SPECC1: variants seen among roughly 807,000 people sequenced by gnomAD.
SPECC1 encodes the protein sperm antigen with calponin homology and coiled-coil domains 1.
Under a neutral mutation model 104.1 loss-of-function variants are expected in SPECC1, and 62 were observed. That is an observed-to-expected ratio of 0.60 (90% CI 0.49 to 0.74). The LOEUF (loss-of-function observed/expected upper bound fraction) is 0.74. Ranked by LOEUF, SPECC1 falls within the 30% of genes least tolerant of loss-of-function variation. SPECC1 has a pLI of 0.00. For missense variants in SPECC1, 1,306 were observed against 1,310.5 expected (o/e 1.00, Z 0.05); for synonymous variants, 513 against 501.6 (o/e 1.02, Z -0.30).
chr17:20,310,249 A>G (rs2041894626), intron 14 of SPECC1, among the ~76,000 whole-genome samples: 1 of 152,176 alleles, frequency 6.6e-6, no homozygotes, highest in African/African-American at 2.4e-5. Flanking sequence ...CTGGATATAT[A>G]CCCAGTAATG....
chr17:20,114,863 T>C (rs1423728879), intron 3 of SPECC1, among the ~76,000 whole-genome samples: 1 of 152,230 alleles, frequency 6.6e-6, no homozygotes, highest in East Asian at 1.9e-4. Flanking sequence ...ATGAATTATT[T>C]TCTTTGCTTT....
At chr17:20,142,671 T>C in intron 3 of SPECC1, among the ~76,000 whole-genome samples, 1 of 152,140 alleles carries the variant, frequency 6.6e-6, no homozygotes, top group Non-Finnish European at 1.5e-5. Context: ...TATTCTTTTA[T>C]AGGTACCAAG....
At chr17:20,156,460 C>T (rs1226199222) in intron 3 of SPECC1, among the ~76,000 whole-genome samples, 2 of 152,142 alleles carry the variant, frequency 1.3e-5, no homozygotes, top group African/African-American at 2.4e-5. Flanking sequence ...CACCTGGGCG[C>T]CGGGGCCGCC....
chr17:20,271,780 G>T (rs1434201169), intron 12 of SPECC1, among the ~76,000 whole-genome samples: 18 of 134,086 alleles, frequency 1.3e-4, no homozygotes, highest in Non-Finnish European at 1.4e-4. Flanking sequence ...TTTTCCCTTT[G>T]TTTTTTTTTC....
At chr17:20,074,844 A>C (rs1392101998) in intron 1 of SPECC1, among the ~76,000 whole-genome samples, 1 of 152,138 alleles carries the variant, frequency 6.6e-6, no homozygotes, top group East Asian at 1.9e-4. Flanking sequence ...GAAAACCTGG[A>C]ATTTGAAATA....
chr17:20,130,483 T>C (rs191139870), intron 3 of SPECC1, among the ~76,000 whole-genome samples: 133 of 152,300 alleles, frequency 8.7e-4, no homozygotes, highest in African/African-American at 2.9e-3. Context: ...TGCAGTGATA[T>C]ATAATAACGC....
At chr17:20,303,057 G>A (rs1015042908) in intron 13 of SPECC1, among the ~76,000 whole-genome samples, 4 of 152,038 alleles carry the variant, frequency 2.6e-5, no homozygotes, top group African/African-American at 9.7e-5. Context: ...GGCAGAGACA[G>A]TACAGGAAAA....
chr17:20,237,365 A>C (rs1290088040), intron 7 of SPECC1: 3 of 858,800 alleles, frequency 3.5e-6, no homozygotes, highest in Non-Finnish European at 4.3e-6. Flanking sequence ...CCCAGGCTGG[A>C]GTGCAATGGT....
intron 3 of SPECC1, among the ~76,000 whole-genome samples, chr17:20,143,092 G>C (rs2031025366): frequency 1.3e-5 from 2 of 148,258 alleles, no homozygotes; most frequent in Non-Finnish European, 3.0e-5. Context: ...AACAGAAGAA[G>C]AACAGAGAAG....
chr17:20,025,672 C>A (rs1175604332), intron 1 of SPECC1, among the ~76,000 whole-genome samples: 1 of 151,982 alleles, frequency 6.6e-6, no homozygotes, highest in Non-Finnish European at 1.5e-5. Context: ...CTATAAATGC[C>A]CATGTACAAG....
At chr17:20,250,564 G>C (rs903277545) in intron 9 of SPECC1, among the ~76,000 whole-genome samples, 4 of 152,150 alleles carry the variant, frequency 2.6e-5, no homozygotes, top group Non-Finnish European at 5.9e-5. Flanking sequence ...ACATAGGAGA[G>C]AGTAGTAGAA....
chr17:20,027,201 GA>G (rs2152438199), intron 1 of SPECC1, among the ~76,000 whole-genome samples: 1 of 152,300 alleles, frequency 6.6e-6, no homozygotes, highest in South Asian at 2.1e-4. Flanking sequence ...GGTACTGGCA[GA>G]ATGATAGTGA....
At chr17:20,260,061 G>T in intron 11 of SPECC1, 131 bp from the exon 12 acceptor site, 4 of 565,906 alleles carry the variant, frequency 7.1e-6, no homozygotes, top group East Asian at 3.1e-5. Context: ...TGACTAATTC[G>T]GCTGTTTCTT....
chr17:20,178,744 A>G (rs1389650635), intron 3 of SPECC1, among the ~76,000 whole-genome samples: 1 of 152,238 alleles, frequency 6.6e-6, no homozygotes, highest in Non-Finnish European at 1.5e-5. Context: ...TAATTGAATG[A>G]TAGGATTCTT....
At chr17:20,298,636 A>G (rs2041435577) in intron 13 of SPECC1, among the ~76,000 whole-genome samples, 1 of 152,132 alleles carries the variant, frequency 6.6e-6, no homozygotes, top group South Asian at 2.1e-4. Context: ...AGACGGAAAG[A>G]CATAGAAGGA....
At chr17:20,221,517 T>C (rs1456292315) in intron 4 of SPECC1, among the ~76,000 whole-genome samples, 1 of 152,114 alleles carries the variant, frequency 6.6e-6, no homozygotes, top group Non-Finnish European at 1.5e-5. Context: ...TCTCCTTTTT[T>C]ATCTTTGATT....
At chr17:20,212,064 A>G (rs2037188657) in intron 4 of SPECC1, among the ~76,000 whole-genome samples, 1 of 152,134 alleles carries the variant, frequency 6.6e-6, no homozygotes, top group Non-Finnish European at 1.5e-5. Flanking sequence ...CTGAGTTCCT[A>G]AAGGTGAAAT....
intron 12 of SPECC1, among the ~76,000 whole-genome samples, chr17:20,287,808 C>T (rs1044729402): frequency 6.6e-6 from 1 of 151,196 alleles, no homozygotes; most frequent in African/African-American, 2.4e-5. Context: ...TTTAAATCAA[C>T]TTTTATTTTA....
At chr17:20,182,297 G>A (rs138138483) in intron 3 of SPECC1, among the ~76,000 whole-genome samples, 155 of 151,846 alleles carry the variant, frequency 1.0e-3, no homozygotes, top group African/African-American at 3.3e-3. Flanking sequence ...TGTATTTTTA[G>A]TAGAGACAAG....
Sources: allele counts gnomAD v4.1 joint callset (sites outside exome capture counted in the v4.1 genomes callset), GRCh38; gene constraint gnomAD v4.1.1; transcripts MANE v1.5; gene names NCBI Gene and HGNC (gene_info 2026-07-23, HGNC 2026-07-21).